The following PAK5 variants were observed in gnomAD, a reference collection of about 807,000 sequenced individuals.
PAK5 encodes serine/threonine-protein kinase PAK 5.
A neutral mutation model predicts 65.9 loss-of-function variants in PAK5; 16 were observed. The observed-to-expected ratio is 0.24, with a 90% CI of 0.16 to 0.37. The LOEUF (loss-of-function observed/expected upper bound fraction) is 0.37. PAK5 is among the 10% of genes least tolerant of loss of function. The pLI is 1.00. For missense variants in PAK5, 785 were observed against 903.9 expected, an observed-to-expected ratio of 0.87 and a Z score of 1.69; for synonymous variants, 371 against 354.9, an observed-to-expected ratio of 1.05 and a Z score of -0.51.
At chr20:9,661,483 G>A (rs1261155857) in intron 2 of PAK5, among the ~76,000 whole-genome samples, 3 of 152,160 alleles carry the variant, frequency 2.0e-5, no homozygotes, top group Admixed American at 6.5e-5. Flanking sequence ...CCACACCTGA[G>A]AAGACCTTTT....
intron 1 of PAK5, among the ~76,000 whole-genome samples, chr20:9,772,390 C>G (rs1419830972): frequency 6.6e-6 from 1 of 152,152 alleles, no homozygotes. Flanking sequence ...AGAGTCAAAT[C>G]CAAGAAAGAG....
intron 1 of PAK5, among the ~76,000 whole-genome samples, chr20:9,780,287 A>G (rs2048928345): frequency 6.6e-6 from 1 of 150,458 alleles, no homozygotes; most frequent in Non-Finnish European, 1.5e-5. Flanking sequence ...AATAAATATG[A>G]CATAATAGGG....
intron 7 of PAK5, among the ~76,000 whole-genome samples, chr20:9,552,529 C>T (rs1447706800): frequency 2.0e-5 from 3 of 152,326 alleles, no homozygotes; most frequent in Middle Eastern, 3.4e-3. Context: ...CCAAACACCA[C>T]ATTCTCCCTT....
chr20:9,670,319 T>C (rs2047479333), intron 2 of PAK5, among the ~76,000 whole-genome samples: 1 of 152,314 alleles, frequency 6.6e-6, no homozygotes, highest in South Asian at 2.1e-4. Context: ...ATGGTATTTC[T>C]AGTTCTAGAT....
chr20:9,804,649 A>G (rs1264717002), intron 1 of PAK5, among the ~76,000 whole-genome samples: 2 of 152,220 alleles, frequency 1.3e-5, no homozygotes, highest in African/African-American at 4.8e-5. Flanking sequence ...GCATGACATC[A>G]AATTTGGCAG....
chr20:9,586,421 AGAAATACT>A (rs1237853900), intron 3 of PAK5, among the ~76,000 whole-genome samples: 6 of 152,122 alleles, frequency 3.9e-5, no homozygotes, highest in Admixed American at 3.9e-4. Context: ...TTCATTTTTG[AGAAATACT>A]GAAATAATAA....
At chr20:9,778,867 G>C (rs369271776) in intron 1 of PAK5, among the ~76,000 whole-genome samples, 7 of 152,274 alleles carry the variant, frequency 4.6e-5, no homozygotes, top group African/African-American at 1.7e-4. Context: ...TTGAGGTAGA[G>C]AACATTTTGA....
At position 9,661,010 on chromosome 20, in the gene PAK5, A is replaced by G. The variant is rs1013086185; in HGVS notation, c.-11-16671T>C. On this transcript the variant is annotated intron_variant, in intron 2 of 9. Coordinates refer to ENST00000353224, the MANE Select transcript of PAK5 (RefSeq NM_177990.4). The stretch of plus-strand genomic sequence containing the variant: ...ACTCAGTAGCTCTGAGGGGTGGTGC[A>G]GGGAGACTCAGCCATCCATTTTGAC... Among the ~76,000 whole-genome samples, 5 of 152,118 alleles carry G rather than the reference A, an allele frequency of 3.3e-5. No homozygotes were observed. The South Asian group carries it at 1.0e-3, about 32-fold the overall frequency.
At chr20:9,541,185 C>T (rs1195489463) in intron 9 of PAK5, among the ~76,000 whole-genome samples, 1 of 152,070 alleles carries the variant, frequency 6.6e-6, no homozygotes, top group African/African-American at 2.4e-5. Flanking sequence ...GAGATATTAC[C>T]ATTACAAATA....
intron 3 of PAK5, among the ~76,000 whole-genome samples, chr20:9,589,082 A>G (rs2046119921): frequency 6.6e-6 from 1 of 152,218 alleles, no homozygotes; most frequent in South Asian, 2.1e-4. Context: ...AGGACCTCAC[A>G]TCTCTTTTTC....
intron 3 of PAK5, among the ~76,000 whole-genome samples, chr20:9,632,961 T>C (rs567943257): frequency 1.3e-5 from 2 of 152,166 alleles, no homozygotes; most frequent in Non-Finnish European, 2.9e-5. Context: ...ACAAATCCTT[T>C]AAACTTTCTA....
chr20:9,717,374 A>G (rs2048160987), intron 1 of PAK5, among the ~76,000 whole-genome samples: 1 of 152,202 alleles, frequency 6.6e-6, no homozygotes, highest in African/African-American at 2.4e-5. Context: ...AAAATGGCCT[A>G]TGCAGAGTAC....
At chr20:9,711,506 A>G (rs2048077545) in intron 1 of PAK5, 71 bp from the exon 2 acceptor site, 1 of 152,174 alleles carries the variant, frequency 6.6e-6, no homozygotes, top group Admixed American at 6.6e-5. Flanking sequence ...ATAAACATAT[A>G]GCCACATTTA....
intron 3 of PAK5, among the ~76,000 whole-genome samples, chr20:9,637,769 C>A (rs1050064126): frequency 6.6e-6 from 1 of 150,744 alleles, no homozygotes; most frequent in African/African-American, 2.4e-5. Context: ...ATAAAACTAT[C>A]TAATATTATT....
At chr20:9,565,307 G>C (rs1603212646) in intron 5 of PAK5, among the ~76,000 whole-genome samples, 1 of 152,012 alleles carries the variant, frequency 6.6e-6, no homozygotes, top group Non-Finnish European at 1.5e-5. Flanking sequence ...GGATATCTGT[G>C]GGACATTTTC....
intron 2 of PAK5, among the ~76,000 whole-genome samples, chr20:9,675,250 AGAG>A (rs891639704): frequency 1.2e-4 from 18 of 152,204 alleles, no homozygotes; most frequent in African/African-American, 4.1e-4. Flanking sequence ...AAAAAATAAA[AGAG>A]GAGAAGAGTT....
intron 1 of PAK5, among the ~76,000 whole-genome samples, chr20:9,777,208 A>G (rs189864395): frequency 1.8e-3 from 273 of 152,294 alleles, no homozygotes; most frequent in South Asian, 0.01. Context: ...AGAACTGTGC[A>G]TTGGATGGCA....
chr20:9,539,195 T>G lies in PAK5; in HGVS notation c.*267A>C. ...CATAACGGAGTTTGTACTGAGTCCT[T>G]CTGATTTGCTGGATGAAGGGCTGAA... is the stretch of plus-strand genomic sequence containing the variant. On this transcript the variant is annotated 3_prime_UTR_variant, in exon 10 of 10. Coordinates refer to ENST00000353224, the MANE Select transcript of PAK5 (RefSeq NM_177990.4). The G allele has an allele frequency of 2.7e-6, 1 of 365,652 alleles. No individual in the cohort carries two copies. The highest frequency in any genetic ancestry group is 5.1e-6 in the Non-Finnish European group (1 of 196,784). 22.7% of individuals were successfully genotyped at this position (365,652 alleles called of 1,614,324 possible).
At chr20:9,785,586 T>C (rs2048983666) in intron 1 of PAK5, among the ~76,000 whole-genome samples, 2 of 152,122 alleles carry the variant, frequency 1.3e-5, no homozygotes, top group Non-Finnish European at 2.9e-5. Flanking sequence ...GATATGGAAA[T>C]GTTGCAAAGG....
Sources: gnomAD v4.1 joint callset for allele counts (sites outside exome capture counted in the v4.1 genomes callset) on GRCh38, gnomAD v4.1.1 for gene constraint, MANE v1.5 for transcripts, NCBI Gene and HGNC (gene_info 2026-07-23, HGNC 2026-07-21) for gene names.